The following PRR33 variants were observed in gnomAD, a reference collection of about 807,000 sequenced individuals.
PRR33 encodes proline rich 33.
PRR33 carries 1 observed loss-of-function variant against 0.5 expected under a neutral mutation model. The observed-to-expected ratio is 2.18, with a 90% confidence interval of 0.77 to 10.34. PRR33 has a LOEUF of 10.34. Ranked by LOEUF, PRR33 falls within the 30% of genes most tolerant of loss-of-function variation. PRR33 has a pLI of 0.13. For synonymous variants in PRR33, 226 were observed against 110.0 expected, an observed-to-expected ratio of 2.06 and a Z score of -6.60; for missense variants, 552 against 251.8, an observed-to-expected ratio of 2.19 and a Z score of -8.07.
chr11:1,895,590 C>CT (rs2133155717), upstream of PRR33, among the ~76,000 whole-genome samples: 1 of 152,210 alleles, frequency 6.6e-6, no homozygotes, highest in East Asian at 1.9e-4. Flanking sequence ...AGGAATTGTG[C>CT]TTTTGGTATC....
At chr11:1,902,046 C>A in the PRR33 span, among the ~76,000 whole-genome samples, 2 of 152,018 alleles carry the variant, frequency 1.3e-5, no homozygotes, top group African/African-American at 4.8e-5. Context: ...TCCTGGCTAA[C>A]ATGGTGAGAT....
At chr11:1,916,539 G>A in the PRR33 span, among the ~76,000 whole-genome samples, 4 of 152,018 alleles carry the variant, frequency 2.6e-5, no homozygotes, top group Non-Finnish European at 5.9e-5. Flanking sequence ...TTGGGACGGT[G>A]ACCAAGGGCA....
chr11:1,912,409 A>T, the PRR33 span, among the ~76,000 whole-genome samples: 1 of 152,056 alleles, frequency 6.6e-6, no homozygotes, highest in African/African-American at 2.4e-5. Context: ...TCTCCTGGGA[A>T]TGGGCTGTTT....
the PRR33 span, among the ~76,000 whole-genome samples, chr11:1,904,335 C>T: frequency 6.6e-6 from 1 of 151,992 alleles, no homozygotes; most frequent in East Asian, 1.9e-4. Flanking sequence ...TCAAAACCAG[C>T]CTGGGCAACA....
At chr11:1,904,391 T>A in the PRR33 span, among the ~76,000 whole-genome samples, 2 of 151,822 alleles carry the variant, frequency 1.3e-5, no homozygotes, top group African/African-American at 2.4e-5. Flanking sequence ...TAGCCAGGCA[T>A]GGTGGTGCAT....
exon 1 of PRR33, chr11:1,888,945 C>G (rs554025507): frequency 3.9e-5 from 20 of 510,440 alleles, no homozygotes; most frequent in African/African-American, 3.8e-4. Context: ...CTCGTCCTCT[C>G]TGCCCCGTCC....
chr11:1,895,514 G>A (rs1006843303), upstream of PRR33, among the ~76,000 whole-genome samples: 4 of 152,144 alleles, frequency 2.6e-5, no homozygotes, highest in Admixed American at 6.6e-5. Flanking sequence ...TCCTCTCACC[G>A]TTAACCATCT....
chr11:1,893,869 A>T (rs531903615), upstream of PRR33, among the ~76,000 whole-genome samples: 1 of 149,798 alleles, frequency 6.7e-6, no homozygotes, highest in African/African-American at 2.5e-5. Context: ...GGATAGATAG[A>T]TAGGTGAGTG....
At chr11:1,890,948 C>T (rs941326575) in exon 1 of PRR33, 14 of 212,354 alleles carry the variant, frequency 6.6e-5, no homozygotes, top group African/African-American at 1.3e-4. Context: ...GGGTGGGAGA[C>T]GGAGACGCGG....
At chr11:1,915,656 T>C in the PRR33 span, among the ~76,000 whole-genome samples, 274 of 1,716 alleles carry the variant, frequency 0.16, 5 homozygotes, top group African/African-American at 0.32. Flanking sequence ...GGTGATGTTA[T>C]GTGTGTGTGT....
chr11:1,892,471 C>A (rs947490492), upstream of PRR33, among the ~76,000 whole-genome samples: 3 of 152,214 alleles, frequency 2.0e-5, no homozygotes, highest in Non-Finnish European at 4.4e-5. Context: ...GGGTGGGGTC[C>A]GGGCTTCCTT....
chr11:1,893,038 A>G (rs1264178223), upstream of PRR33, among the ~76,000 whole-genome samples: 4 of 78,460 alleles, frequency 5.1e-5, no homozygotes, highest in African/African-American at 9.6e-5. Flanking sequence ...TGGACGGATA[A>G]GCAGGTGAAT....
chr11:1,903,920 A>G, the PRR33 span, among the ~76,000 whole-genome samples: 1 of 152,202 alleles, frequency 6.6e-6, no homozygotes, highest in African/African-American at 2.4e-5. Context: ...CGCCTGACCC[A>G]GTCAAGACAC....
At chr11:1,890,208 G>A (rs549596227) in exon 1 of PRR33, 1 of 716,962 alleles carries the variant, frequency 1.4e-6, no homozygotes, top group East Asian at 2.7e-5. Flanking sequence ...CTTCTGCAGG[G>A]GTGATGCCAC....
chr11:1,903,550 G>A, the PRR33 span, among the ~76,000 whole-genome samples: 2 of 152,182 alleles, frequency 1.3e-5, no homozygotes, highest in Non-Finnish European at 2.9e-5. Context: ...GGCTAATTAG[G>A]AGCCCTTGTT....
chr11:1,899,837 G>A, the PRR33 span, among the ~76,000 whole-genome samples: 4 of 152,080 alleles, frequency 2.6e-5, no homozygotes, highest in African/African-American at 9.7e-5. Flanking sequence ...GCCTGGGAAA[G>A]CTTCTATATA....
the PRR33 span, among the ~76,000 whole-genome samples, chr11:1,909,217 G>A: frequency 6.6e-6 from 1 of 151,956 alleles, no homozygotes; most frequent in Non-Finnish European, 1.5e-5. Context: ...CAAAAGTTGG[G>A]CCTGGGTACG....
At chr11:1,910,527 C>T in the PRR33 span, among the ~76,000 whole-genome samples, 6 of 152,314 alleles carry the variant, frequency 3.9e-5, no homozygotes, top group Admixed American at 2.0e-4. Flanking sequence ...GGATTACAGG[C>T]GTGAGCCACC....
the PRR33 span, among the ~76,000 whole-genome samples, chr11:1,916,708 C>T: frequency 6.6e-6 from 1 of 152,174 alleles, no homozygotes; most frequent in African/African-American, 2.4e-5. Context: ...AGATCATCTG[C>T]ACCCCTCGGC....
Sources: gnomAD v4.1 joint callset for allele counts (sites outside exome capture counted in the v4.1 genomes callset) on GRCh38, gnomAD v4.1.1 for gene constraint, MANE v1.5 for transcripts, NCBI Gene and HGNC (gene_info 2026-07-23, HGNC 2026-07-21) for gene names.